The following SPON1 variants were observed in gnomAD, a reference collection of about 807,000 sequenced individuals.
SPON1 encodes spondin 1, also known as spondin-1.
In SPON1, 52 loss-of-function variants were observed where a neutral mutation model predicts 111.7. The observed-to-expected ratio is 0.47, with a 90% CI of 0.37 to 0.59. SPON1 has a LOEUF of 0.59. Among genes scored for constraint, SPON1 ranks in the 20% least tolerant of loss-of-function variants. The pLI is 0.00. For synonymous variants in SPON1, 410 were observed against 395.8 expected (o/e 1.04, Z -0.43); for missense variants, 957 against 1,068.5 (o/e 0.90, Z 1.46).
intron 1 of SPON1, among the ~76,000 whole-genome samples, chr11:13,976,979 T>G (rs1848108177): frequency 6.6e-6 from 1 of 152,254 alleles, no homozygotes; most frequent in Admixed American, 6.5e-5. Context: ...GTGCCTGTCT[T>G]CTGTCACTTG....
At position 13,962,726 on chromosome 11, in the gene SPON1, T is replaced by G. The variant is rs1026576294; in HGVS notation, c.-179T>G. On this transcript the variant is annotated 5_prime_UTR_variant, in exon 1 of 16. Coordinates refer to ENST00000576479, the MANE Select transcript of SPON1 (RefSeq NM_006108.4). ...TTCGCTTGGCTCAGCTCAGCTCAGCTCAGCGCAGCTCCGCGGCCGCCAAGC... is the reference window on the plus strand; with the variant it reads ...TTCGCTTGGCTCAGCTCAGCTCAGCGCAGCGCAGCTCCGCGGCCGCCAAGC... The G allele has an allele frequency of 3.1e-5, 18 of 581,060 alleles. No homozygotes were observed. The highest frequency in any genetic ancestry group is 4.9e-5 in the South Asian group (2 of 40,812). The allele number at this position is 581,060 out of a possible 1,614,324, so 36.0% of individuals were successfully genotyped here.
At chr11:14,172,116 T>A (rs1848110127) in intron 6 of SPON1, among the ~76,000 whole-genome samples, 1 of 152,132 alleles carries the variant, frequency 6.6e-6, no homozygotes, top group Non-Finnish European at 1.5e-5. Context: ...ATTATTATTG[T>A]GTGGGAGTCT....
At chr11:14,079,558 G>C (rs1363450021) in intron 4 of SPON1, among the ~76,000 whole-genome samples, 5 of 152,242 alleles carry the variant, frequency 3.3e-5, no homozygotes, top group Admixed American at 3.3e-4. Flanking sequence ...TGGGGAAGGA[G>C]ACCAGGATCC....
rs1393690575 is a variant in SPON1 at position 14,160,724 on chromosome 11, TATTTATATATATTTA to T, written c.825+25172_825+25186del. Among the ~76,000 whole-genome samples, 120 of 14,316 alleles carry T rather than the reference TATTTATATATATTTA, an allele frequency of 8.4e-3. 10 individuals are homozygous for T. Among genetic ancestry groups the T allele is most frequent in the Admixed American group, 0.011 (6 of 558 alleles). The allele number at this position is 14,316 out of a possible 152,430, so 9.4% of individuals were successfully genotyped here. A position where few individuals can be genotyped will look rare whatever the true frequency, so the allele number is the denominator to read the frequency against. On this transcript the variant is annotated intron_variant, in intron 6 of 15. Transcript: ENST00000576479. ...TTATATATATTTATATATATTTATA[TATTTATATATATTTA>T]ATTTATATATATTTATATATATTTA... is the stretch of plus-strand genomic sequence containing the variant.
chr11:14,163,349 A>G (rs1487676384), intron 6 of SPON1, among the ~76,000 whole-genome samples: 9 of 152,290 alleles, frequency 5.9e-5, no homozygotes, highest in East Asian at 1.9e-4. Flanking sequence ...AGCATCTACA[A>G]CTTACATGTG....
intron 5 of SPON1, among the ~76,000 whole-genome samples, chr11:14,095,542 C>T (rs1849093969): frequency 6.6e-6 from 1 of 152,038 alleles, no homozygotes. Context: ...CCAGGAGACC[C>T]AGTGGTGTAG....
intron 2 of SPON1, 78 bp downstream of exon 2, chr11:13,983,031 G>A (rs1848156493): frequency 1.0e-6 from 1 of 1,003,864 alleles, no homozygotes; most frequent in Non-Finnish European, 1.5e-6. Context: ...AGTGTCTCAG[G>A]TGGCTTCCCA....
chr11:14,154,117 A>G (rs1591390930), intron 6 of SPON1, among the ~76,000 whole-genome samples: 1 of 152,280 alleles, frequency 6.6e-6, no homozygotes, highest in African/African-American at 2.4e-5. Flanking sequence ...TTCCAGGCAC[A>G]TGGTGCAAGC....
intron 3 of SPON1, among the ~76,000 whole-genome samples, chr11:14,050,733 C>A (rs1848701658): frequency 6.6e-6 from 1 of 152,054 alleles, no homozygotes; most frequent in Non-Finnish European, 1.5e-5. Context: ...GGTGTTTGAC[C>A]CCAGTTGGGG....
At chr11:14,063,322 C>T (rs1353430529) in intron 3 of SPON1, among the ~76,000 whole-genome samples, 11 of 152,200 alleles carry the variant, frequency 7.2e-5, no homozygotes, top group Non-Finnish European at 1.5e-5. Flanking sequence ...TTACATTCTG[C>T]TCTGCATTAA....
At chr11:14,131,929 CT>C (rs1235532439) in intron 5 of SPON1, among the ~76,000 whole-genome samples, 1 of 152,236 alleles carries the variant, frequency 6.6e-6, no homozygotes, top group Admixed American at 6.5e-5. Flanking sequence ...TTCCTTCCCC[CT>C]GGCCAAGTGC....
intron 5 of SPON1, among the ~76,000 whole-genome samples, chr11:14,085,391 G>A (rs1229400593): frequency 1.3e-5 from 2 of 152,050 alleles, no homozygotes; most frequent in African/African-American, 4.8e-5. Flanking sequence ...CAGCACCATT[G>A]ATTAAATAGA....
At chr11:14,192,519 G>T (rs1160415177) in intron 6 of SPON1, among the ~76,000 whole-genome samples, 1 of 152,182 alleles carries the variant, frequency 6.6e-6, no homozygotes, top group African/African-American at 2.4e-5. Flanking sequence ...CCCCGTCAAT[G>T]TGCGTAGAGA....
At chr11:14,115,078 AC>A (rs1849257065) in intron 5 of SPON1, among the ~76,000 whole-genome samples, 1 of 152,064 alleles carries the variant, frequency 6.6e-6, no homozygotes, top group Non-Finnish European at 1.5e-5. Context: ...GTGTCCTCCC[AC>A]CTTTGCCTCT....
intron 2 of SPON1, among the ~76,000 whole-genome samples, chr11:14,009,072 T>G (rs1294697564): frequency 6.6e-6 from 1 of 152,196 alleles, no homozygotes; most frequent in Non-Finnish European, 1.5e-5. Context: ...TGCCTTCAGT[T>G]GTGTGTGATT....
intron 7 of SPON1, among the ~76,000 whole-genome samples, chr11:14,244,783 C>T (rs1848969819): frequency 6.6e-6 from 1 of 152,134 alleles, no homozygotes; most frequent in Non-Finnish European, 1.5e-5. Context: ...CTGTTGTGTC[C>T]TCTCCTTCTT....
At chr11:14,122,573 TATACCCTAG>T (rs1243245145) in intron 5 of SPON1, among the ~76,000 whole-genome samples, 4 of 152,260 alleles carry the variant, frequency 2.6e-5, no homozygotes, top group African/African-American at 9.6e-5. Flanking sequence ...CACAGTCATT[TATACCCTAG>T]TTCATTTTTT....
At chr11:14,009,692 A>T (rs1409980530) in intron 2 of SPON1, among the ~76,000 whole-genome samples, 2 of 152,204 alleles carry the variant, frequency 1.3e-5, no homozygotes, top group Non-Finnish European at 2.9e-5. Context: ...TTTATTGCTT[A>T]CAATTCTGGA....
chr11:14,095,404 CTAGATAGATAGA>C lies in SPON1; in HGVS notation c.676+15418_676+15429del, dbSNP rs3047371. ...CAACAGGAGATAGATAAATGAGAGA[CTAGATAGATAGA>C]TAGATAGATAGATAGATAGATAGAT... On this transcript the variant is annotated intron_variant, in intron 5 of 15. Transcript: ENST00000576479. 3.8e-3 allele frequency among the ~76,000 whole-genome samples: 558 copies of C among 148,320 alleles called. 5 individuals are homozygous for C. The highest frequency in any genetic ancestry group is 0.011 in the African/African-American group (455 of 40,132).
Sources: allele counts gnomAD v4.1 joint callset (sites outside exome capture counted in the v4.1 genomes callset), GRCh38; gene constraint gnomAD v4.1.1; transcripts MANE v1.5; gene names NCBI Gene and HGNC (gene_info 2026-07-23, HGNC 2026-07-21).